Variants in POM121C observed in about 807,000 individuals in gnomAD.
The protein encoded by POM121C is POM121 transmembrane nucleoporin C.
Under a neutral mutation model 66.4 loss-of-function variants are expected in POM121C, and 20 were observed. The ratio of observed to expected loss-of-function variants is 0.30; its 90% CI spans 0.21 to 0.44. The LOEUF (loss-of-function observed/expected upper bound fraction) is 0.44, where lower values mean the gene tolerates loss of function less well. Ranked by LOEUF, POM121C falls within the 20% of genes least tolerant of loss-of-function variation. POM121C has a pLI of 1.00. For synonymous variants in POM121C, 286 were observed against 528.0 expected, an observed-to-expected ratio of 0.54 and a Z score of 6.28; for missense variants, 580 against 1,225.7, an observed-to-expected ratio of 0.47 and a Z score of 7.87.
chr7:75,470,897 G>T (rs1203089892), intron 3 of POM121C, among the ~76,000 whole-genome samples: 1 of 152,060 alleles, frequency 6.6e-6, no homozygotes, highest in East Asian at 1.9e-4. Flanking sequence ...ACCACTCAAA[G>T]TGCTGGGATT....
chr7:75,434,948 G>A (rs1343250471), intron 7 of POM121C, among the ~76,000 whole-genome samples: 2 of 152,120 alleles, frequency 1.3e-5, no homozygotes, highest in African/African-American at 4.8e-5. Context: ...GTGAGGCCAG[G>A]GAGAAATGGT....
chr7:75,468,104 C>A (rs1470870722), intron 3 of POM121C, among the ~76,000 whole-genome samples: 2 of 125,536 alleles, frequency 1.6e-5, no homozygotes, highest in Admixed American at 1.1e-4. Flanking sequence ...TGCACCCCAA[C>A]CTGGGCAACA....
At chr7:75,482,269 G>C (rs1464401539) in intron 1 of POM121C, among the ~76,000 whole-genome samples, 1 of 152,130 alleles carries the variant, frequency 6.6e-6, no homozygotes, top group Non-Finnish European at 1.5e-5. Context: ...GTTATTCCTA[G>C]CCCCTTTTAA....
Position 75,439,103 on chromosome 7 carries a change from T to G in POM121C, c.308+41A>C, listed in dbSNP as rs781854829. 7 of 1,609,260 alleles carry G rather than the reference T, an allele frequency of 4.3e-6. No homozygotes were observed. In the East Asian group the frequency reaches 1.3e-4, roughly 31 times the overall value. On this transcript the variant is annotated intron_variant, in intron 6 of 14. Transcript: ENST00000615331. Reference sequence around the variant, plus strand: ...GGCAACAGCTCTGATCAGGCCTTTTTCCAAACAGTTGGTATTTCATCTGGA... The same window carrying G: ...GGCAACAGCTCTGATCAGGCCTTTTGCCAAACAGTTGGTATTTCATCTGGA...
At chr7:75,464,715 G>C (rs1189144163) in intron 3 of POM121C, among the ~76,000 whole-genome samples, 2 of 142,916 alleles carry the variant, frequency 1.4e-5, no homozygotes, top group African/African-American at 5.2e-5. Context: ...AATTAGCCAG[G>C]CATGGTGGCG....
chr7:75,442,940 G>A (rs1554474336), intron 3 of POM121C: 22 of 597,680 alleles, frequency 3.7e-5, no homozygotes, highest in Non-Finnish European at 4.6e-5. Context: ...GATCCCGTCC[G>A]GGATCCCATC....
chr7:75,465,607 G>C (rs1274624987), intron 3 of POM121C, among the ~76,000 whole-genome samples: 1 of 151,594 alleles, frequency 6.6e-6, no homozygotes, highest in African/African-American at 2.4e-5. Context: ...ACAAAAATTA[G>C]CCGGGCATGG....
At position 75,419,362 on chromosome 7, in the gene POM121C, A is replaced by G; in HGVS notation, c.2824T>C (p.Ser942Pro). Residue 942 changes from serine (S) to proline (P), a missense_variant, in exon 14 of 15, where the codon TCT becomes CCT. Transcript: ENST00000615331. ...ACAAAGCCTTGGGCGGGTGCTGAAG[A>G]TGCCCCAAAGGAGAGGCTGCTGCCC... ...TSGSSLSFGA[S>P]SAPAQGFVGV... 3.1e-6 allele frequency: 5 copies of G among 1,613,812 alleles called. No homozygotes were observed. The highest frequency in any genetic ancestry group is 4.2e-6 in the Non-Finnish European group (5 of 1,179,784).
chr7:75,466,965 G>T (rs1362384603), intron 3 of POM121C, among the ~76,000 whole-genome samples: 1 of 152,202 alleles, frequency 6.6e-6, no homozygotes, highest in South Asian at 2.1e-4. Flanking sequence ...AGGGCCTGGG[G>T]CCTTAGGACT....
chr7:75,486,273 T>C lies in POM121C; in HGVS notation c.-867A>G, dbSNP rs1294125525. On this transcript the variant is annotated 5_prime_UTR_variant, in exon 1 of 15. Transcript: ENST00000615331. ...CTGGGAACGAGAGCAAGCGATGACC[T>C]GAAGAGGCACAGGAAGCGAGGGCAG... The C allele has an allele frequency of 1.5e-5, 4 of 266,650 alleles. No individual in the cohort carries two copies. Among genetic ancestry groups the C allele is most frequent in the African/African-American group, 2.4e-5 (1 of 41,942 alleles). 16.5% of individuals were successfully genotyped at this position (266,650 alleles called of 1,614,324 possible).
intron 3 of POM121C, among the ~76,000 whole-genome samples, chr7:75,465,374 G>C (rs1447868670): frequency 1.3e-5 from 2 of 151,888 alleles, no homozygotes; most frequent in Middle Eastern, 3.4e-3. Context: ...GGGAGGCTGA[G>C]GTAGGAGGAT....
chr7:75,417,452 AT>A lies in POM121C; in HGVS notation c.*1343del, dbSNP rs1294952369. On this transcript the variant is annotated 3_prime_UTR_variant, in exon 15 of 15. Coordinates refer to ENST00000615331, the MANE Select transcript of POM121C (RefSeq NM_001099415.3). ...AATTTTTGTTAAAAAACGTTTAAAT[AT>A]TTTTTTCTTTTAATTTAGACACACG... The A allele has an allele frequency of 7.7e-5, 74 of 960,874 alleles. No homozygotes were observed. The highest frequency in any genetic ancestry group is 9.0e-5 in the Non-Finnish European group (73 of 807,364). The allele number at this position is 960,874 out of a possible 1,614,324, so 59.5% of individuals were successfully genotyped here. A position where few individuals can be genotyped will look rare whatever the true frequency, so the allele number is the denominator to read the frequency against.
chr7:75,438,314 C>T (rs1790493713), intron 6 of POM121C, among the ~76,000 whole-genome samples: 2 of 152,154 alleles, frequency 1.3e-5, no homozygotes, highest in Admixed American at 1.3e-4. Context: ...AACTTTCACC[C>T]ACGGATCCTA....
chr7:75,421,336 C>G (rs2116323694), intron 13 of POM121C, 173 bp downstream of exon 13: 1 of 1,458,818 alleles, frequency 6.9e-7, no homozygotes, highest in Non-Finnish European at 9.1e-7. Flanking sequence ...ACAATGGCTC[C>G]TCCAGTCATT....
chr7:75,444,362 G>A (rs1284108699), intron 3 of POM121C, among the ~76,000 whole-genome samples: 4 of 150,264 alleles, frequency 2.7e-5, no homozygotes, highest in Admixed American at 6.7e-5. Flanking sequence ...ACAGTGACTG[G>A]AAGGTGAAGA....
At chr7:75,425,013 C>G (rs1364265323) in intron 10 of POM121C, 61 bp downstream of exon 10, 1 of 1,532,798 alleles carries the variant, frequency 6.5e-7, no homozygotes, top group Non-Finnish European at 8.7e-7. Flanking sequence ...TTGTCCTTAG[C>G]GTTCCTAAGA....
chr7:75,483,329 C>T (rs1792382387), intron 1 of POM121C, among the ~76,000 whole-genome samples: 1 of 152,124 alleles, frequency 6.6e-6, no homozygotes, highest in South Asian at 2.1e-4. Flanking sequence ...AGTAACAAAA[C>T]TGGTTTCTCC....
chr7:75,473,690 G>T (rs113845100), intron 3 of POM121C, among the ~76,000 whole-genome samples: 135,997 of 150,914 alleles, frequency 0.9, 61,288 homozygotes, highest in Middle Eastern at 0.96. Flanking sequence ...TTGTTTGTTT[G>T]TTTTTTTGTT....
chr7:75,472,166 A>G (rs587671981), intron 3 of POM121C, among the ~76,000 whole-genome samples: 135 of 150,770 alleles, frequency 9.0e-4, no homozygotes, highest in African/African-American at 3.1e-3. Context: ...GATTACAGGC[A>G]TGAGCCACCG....
Sources: gnomAD v4.1 joint callset for allele counts (sites outside exome capture counted in the v4.1 genomes callset) on GRCh38, gnomAD v4.1.1 for gene constraint, MANE v1.5 for transcripts, NCBI Gene and HGNC (gene_info 2026-07-23, HGNC 2026-07-21) for gene names.